Variants in VWF observed in about 807,000 individuals in gnomAD.
The protein encoded by VWF is Factor VIII related antigen.
A neutral mutation model predicts 308.6 loss-of-function variants in VWF; 176 were observed. The observed-to-expected ratio is 0.57, with a 90% CI of 0.50 to 0.65. The LOEUF (loss-of-function observed/expected upper bound fraction) is 0.65, where lower values mean the gene tolerates loss of function less well. Ranked by LOEUF, VWF falls within the 30% of genes least tolerant of loss-of-function variation. VWF has a pLI of 0.00. For synonymous variants in VWF, 1,385 were observed against 1,443.4 expected (o/e 0.96, Z 0.92); for missense variants, 3,146 against 3,648.2 (o/e 0.86, Z 3.55).
chr12:5,975,821 G>A (rs531405863), intron 43 of VWF, among the ~76,000 whole-genome samples: 2 of 152,234 alleles, frequency 1.3e-5, no homozygotes, highest in African/African-American at 2.4e-5. Context: ...GAAGGATGAC[G>A]CAGAAATCCT....
At chr12:6,103,467 C>CGT (rs1565391130) in intron 5 of VWF, among the ~76,000 whole-genome samples, 1 of 46,774 alleles carries the variant, frequency 2.1e-5, no homozygotes, top group African/African-American at 1.6e-4. Flanking sequence ...TGTATATACA[C>CGT]ATATGTGTGT....
rs71539656 is a variant in VWF at position 5,985,134 on chromosome 12, C to G, written c.6902-15G>C. On this transcript the variant is annotated splice_polypyrimidine_tract_variant and intron_variant, in intron 39 of 51. Coordinates refer to ENST00000261405, the MANE Select transcript of VWF (RefSeq NM_000552.5). ...ACACGTGGGAGCTAGAGGAGAGGAA[C>G]GGCCACAAAAGTCAGAGAAATTAGT... The G allele has an allele frequency of 8.7e-6, 14 of 1,613,896 alleles. No homozygotes were observed. In the South Asian group the frequency reaches 1.4e-4, roughly 16 times the overall value.
At chr12:6,110,350 A>G (rs775392891) in intron 5 of VWF, 24 bp downstream of exon 5, 1 of 1,612,176 alleles carries the variant, frequency 6.2e-7, no homozygotes, top group African/African-American at 1.3e-5. Flanking sequence ...CACTTTAGGG[A>G]AATGGTATCC....
intron 5 of VWF, among the ~76,000 whole-genome samples, chr12:6,103,754 A>C (rs994890178): frequency 5.9e-5 from 9 of 152,134 alleles, no homozygotes; most frequent in African/African-American, 2.2e-4. Context: ...CCATATACAA[A>C]AAAAAATCAA....
chr12:6,073,053 G>C (rs1228651461), intron 8 of VWF, among the ~76,000 whole-genome samples: 1 of 152,100 alleles, frequency 6.6e-6, no homozygotes, highest in African/African-American at 2.4e-5. Flanking sequence ...TTTTAGTGGA[G>C]ACGGGATTTC....
chr12:5,963,041 T>C (rs1386022475), intron 47 of VWF, among the ~76,000 whole-genome samples: 1 of 152,224 alleles, frequency 6.6e-6, no homozygotes, highest in Non-Finnish European at 1.5e-5. Flanking sequence ...AAACATAGGA[T>C]ACTATCTTCA....
chr12:5,958,112 G>GA (rs991291781), intron 47 of VWF, among the ~76,000 whole-genome samples: 8 of 150,570 alleles, frequency 5.3e-5, no homozygotes, highest in Admixed American at 2.0e-4. Flanking sequence ...CTAAAAAAAA[G>GA]AAAAAAAAGA....
chr12:6,019,623 C>T lies in VWF; in HGVS notation c.3795G>A (p.Pro1265=), dbSNP rs2228319. 6.4e-3 allele frequency: 10,370 copies of T among 1,613,892 alleles called. 560 individuals carry two copies. In the African/African-American group the frequency reaches 0.12, roughly 18 times the overall value. Residue 1265 remains proline, a synonymous_variant, in exon 28 of 52, where the codon CCG becomes CCA. Coordinates refer to ENST00000261405, the MANE Select transcript of VWF (RefSeq NM_000552.5). The surrounding 1 kb of genome is among the most constrained non-coding windows in gnomAD (Gnocchi z 5.8). ...TGCTGCAGTAGAAATCGTGCAACGG[C>T]GGTTCCGAGATGTCCTCCACATACA... ...TTLYVEDISE[P]PLHDFYCSRL...
intron 6 of VWF, among the ~76,000 whole-genome samples, chr12:6,081,330 G>T (rs1305899088): frequency 6.8e-6 from 1 of 148,034 alleles, no homozygotes; most frequent in Non-Finnish European, 1.5e-5. Context: ...TAGGCCAGTG[G>T]TGTTTTTTGT....
intron 6 of VWF, among the ~76,000 whole-genome samples, chr12:6,092,632 T>TGAGAGAGAGAGAGAGAGA (rs1430723950): frequency 7.6e-5 from 5 of 66,078 alleles, no homozygotes; most frequent in African/African-American, 5.4e-4. Context: ...TGTGTGTGTG[T>TGAGAGAGAGAGAGAGAGA]GTGTGTGTGT....
intron 6 of VWF, among the ~76,000 whole-genome samples, chr12:6,094,745 C>T (rs1945086307): frequency 6.6e-6 from 1 of 152,064 alleles, no homozygotes; most frequent in Admixed American, 6.6e-5. Flanking sequence ...CAGAGTCTGG[C>T]TCTGTCACCC....
At position 6,058,571 on chromosome 12, in the gene VWF, C is replaced by A. The variant is rs1189056649; in HGVS notation, c.1534-527G>T. Reference sequence around the variant, plus strand: ...GTGGTCCAAGCCCTCCGGGAGCTCACGGTTAATGACAAGAAACACCTCCCC... The same window carrying A: ...GTGGTCCAAGCCCTCCGGGAGCTCAAGGTTAATGACAAGAAACACCTCCCC... On this transcript the variant is annotated intron_variant, in intron 13 of 51. Coordinates refer to ENST00000261405, the MANE Select transcript of VWF (RefSeq NM_000552.5). The surrounding 1 kb of genome is among the most constrained non-coding windows in gnomAD (Gnocchi z 4.9). Among the ~76,000 whole-genome samples the A allele has an allele frequency of 6.6e-6, 1 of 152,232 alleles. No individual in the cohort carries two copies. Among genetic ancestry groups the A allele is most frequent in the African/African-American group, 2.4e-5 (1 of 41,536 alleles).
In VWF at chr12:6,080,779, T is replaced by A. The variant is rs1944900178; in HGVS notation, c.658-5228A>T. On this transcript the variant is annotated intron_variant, in intron 6 of 51. Transcript: ENST00000261405. ...CCCAACCAAGCTCTCCTTGAGTAGG[T>A]GTCTACTTTCCGCCTGTTCCCACGC... Among the ~76,000 whole-genome samples, 4 of 152,294 alleles carry A rather than the reference T, an allele frequency of 2.6e-5. No individual in the cohort carries two copies. In the South Asian group the frequency reaches 8.3e-4, roughly 32 times the overall value.
chr12:6,058,212 GA>G lies in VWF; in HGVS notation c.1534-169del, dbSNP rs995114810. ...CTAGGCTGCAAAAGGGGGGGCGGGG[GA>G]AAGTGAACTGCAGTGTAAATTTACC... On this transcript the variant is annotated intron_variant, in intron 13 of 51. Coordinates refer to ENST00000261405, the MANE Select transcript of VWF (RefSeq NM_000552.5). This position sits in a 1 kb window ranked among gnomAD's most constrained non-coding sequence, Gnocchi z 4.9. Among the ~76,000 whole-genome samples, 80 of 152,152 alleles carry G rather than the reference GA, an allele frequency of 5.3e-4. No individual in the cohort carries two copies. The highest frequency in any genetic ancestry group is 1.9e-3 in the African/African-American group (77 of 41,426).
At chr12:5,967,333 T>C (rs1024570750) in intron 47 of VWF, among the ~76,000 whole-genome samples, 153 bp downstream of exon 47, 1 of 152,062 alleles carries the variant, frequency 6.6e-6, no homozygotes, top group African/African-American at 2.4e-5. Context: ...TTTGGGTGGG[T>C]GATTTTTAGT....
Position 5,966,230 on chromosome 12 carries a change from G to A in VWF, c.7887+1256C>T, listed in dbSNP as rs780080855. ...ACACGACTCCAGGCAGCATTGTTTC[G>A]TTCCATATGGAAGCCCAGATGTGTT... On this transcript the variant is annotated intron_variant, in intron 47 of 51. Transcript: ENST00000261405. Among the ~76,000 whole-genome samples the A allele has an allele frequency of 5.9e-5, 9 of 152,066 alleles. No individual in the cohort carries two copies. In the South Asian group the frequency reaches 1.0e-3, roughly 18 times the overall value.
intron 6 of VWF, among the ~76,000 whole-genome samples, chr12:6,083,956 C>T (rs1944942619): frequency 6.6e-6 from 1 of 152,204 alleles, no homozygotes; most frequent in Non-Finnish European, 1.5e-5. Flanking sequence ...AAGGTAGAAG[C>T]CCCCACTGGG....
At chr12:6,122,900 C>T in intron 2 of VWF, 3 of 747,464 alleles carry the variant, frequency 4.0e-6, no homozygotes, top group South Asian at 1.4e-5. Flanking sequence ...TAATATAGGA[C>T]AGTTCTGTGC....
chr12:5,966,351 T>A (rs921457478), intron 47 of VWF, among the ~76,000 whole-genome samples: 1 of 152,152 alleles, frequency 6.6e-6, no homozygotes, highest in Non-Finnish European at 1.5e-5. Context: ...CTGGGATTTT[T>A]AAAAAATAAG....
Sources: gnomAD v4.1 joint callset for allele counts (sites outside exome capture counted in the v4.1 genomes callset) on GRCh38, gnomAD v4.1.1 for gene constraint, Gnocchi (gnomAD v3.1) non-coding constraint, MANE v1.5 for transcripts, NCBI Gene and HGNC (gene_info 2026-07-23, HGNC 2026-07-21) for gene names.